ANKRD36B: variants seen among roughly 807,000 people sequenced by gnomAD.
The protein encoded by ANKRD36B is ankyrin repeat domain-containing protein 36B.
ANKRD36B carries 37 observed loss-of-function variants against 135.7 expected under a neutral mutation model. The observed-to-expected ratio is 0.27, with a 90% CI of 0.21 to 0.36. The LOEUF is 0.36. Among genes scored for constraint, ANKRD36B ranks in the 10% least tolerant of loss-of-function variants. The pLI is 1.00. For missense variants in ANKRD36B, 549 were observed against 1,037.1 expected, an observed-to-expected ratio of 0.53 and a Z score of 6.46; for synonymous variants, 179 against 348.1, an observed-to-expected ratio of 0.51 and a Z score of 5.41.
At chr2:97,570,946 C>A (rs930230176) in intron 6 of ANKRD36B, among the ~76,000 whole-genome samples, 1 of 152,222 alleles carries the variant, frequency 6.6e-6, no homozygotes, top group Non-Finnish European at 1.5e-5. Context: ...TTTCCCTCAT[C>A]TGTTTTCCTT....
chr2:97,498,963 C>CA (rs781117902), intron 43 of ANKRD36B, among the ~76,000 whole-genome samples: 9 of 61,910 alleles, frequency 1.5e-4, no homozygotes, highest in South Asian at 7.4e-4. Context: ...CCTTTCTATA[C>CA]AAAAAAAAAC....
In ANKRD36B at chr2:97,589,450, C is replaced by T; in HGVS notation, c.161+75G>A. The stretch of plus-strand genomic sequence containing the variant: ...GAGCCCCGGACCATCCGCCCCGCAG[C>T]CCTCAGCCTGCAAAGGGGTACTTCT... On this transcript the variant is annotated intron_variant, in intron 1 of 43. Transcript: ENST00000359901. The T allele has an allele frequency of 2.3e-6, 3 of 1,315,806 alleles. No homozygotes were observed. In the South Asian group the frequency reaches 3.7e-5, roughly 16 times the overall value. The allele number at this position is 1,315,806 out of a possible 1,614,324, so 81.5% of individuals were successfully genotyped here.
chr2:97,545,116 G>A (rs1293353351), intron 24 of ANKRD36B, among the ~76,000 whole-genome samples: 1 of 95,758 alleles, frequency 1.0e-5, no homozygotes, highest in Non-Finnish European at 2.8e-5. Context: ...TGTTCCAAAT[G>A]TATTGAAGTG....
chr2:97,541,572 A>G lies in ANKRD36B; in HGVS notation c.1885+339T>C, dbSNP rs182367541. On this transcript the variant is annotated intron_variant, in intron 28 of 43. Coordinates refer to ENST00000359901, the MANE Select transcript of ANKRD36B (RefSeq NM_001393939.1). Reference sequence around the variant, plus strand: ...ATAACAATATAATCTGACGCCTATAATATCTATTACTTCATCTCTTTCTCC... The same window carrying G: ...ATAACAATATAATCTGACGCCTATAGTATCTATTACTTCATCTCTTTCTCC... Among the ~76,000 whole-genome samples, 4 of 96,080 alleles carry G rather than the reference A, an allele frequency of 4.2e-5. 1 individual carries two copies. Among genetic ancestry groups the G allele is most frequent in the Non-Finnish European group, 1.1e-4 (4 of 36,086 alleles). The allele number at this position is 96,080 out of a possible 152,430, so 63.0% of individuals were successfully genotyped here.
intron 9 of ANKRD36B, 29 bp downstream of exon 9, chr2:97,558,937 G>A (rs780868175): frequency 6.2e-7 from 1 of 1,606,098 alleles, no homozygotes; most frequent in Admixed American, 1.7e-5. Flanking sequence ...ACGGTTAATA[G>A]TTCAACATAT....
chr2:97,550,046 T>A (rs2079896376), intron 18 of ANKRD36B, among the ~76,000 whole-genome samples: 1 of 151,706 alleles, frequency 6.6e-6, no homozygotes, highest in Non-Finnish European at 1.5e-5. Context: ...TCATGCTCTT[T>A]AAATTGCCCA....
chr2:97,536,002 T>C (rs2104494832), intron 34 of ANKRD36B, among the ~76,000 whole-genome samples: 1 of 93,776 alleles, frequency 1.1e-5, no homozygotes, highest in East Asian at 2.4e-4. Flanking sequence ...AAGGTGGAGG[T>C]TGTGGTGAGC....
intron 6 of ANKRD36B, among the ~76,000 whole-genome samples, chr2:97,573,676 G>A (rs1182628327): frequency 6.6e-6 from 1 of 152,182 alleles, no homozygotes; most frequent in East Asian, 1.9e-4. Context: ...GCATGGTACT[G>A]GTACCGAAAT....
At chr2:97,587,876 T>C (rs1479949427) in intron 1 of ANKRD36B, among the ~76,000 whole-genome samples, 1 of 152,190 alleles carries the variant, frequency 6.6e-6, no homozygotes, top group Non-Finnish European at 1.5e-5. Flanking sequence ...AAATATTTTT[T>C]CCCATGTGCA....
intron 6 of ANKRD36B, among the ~76,000 whole-genome samples, chr2:97,575,594 G>T (rs1054690759): frequency 1.2e-4 from 18 of 145,826 alleles, no homozygotes; most frequent in Non-Finnish European, 2.4e-4. Flanking sequence ...AAATAAATAT[G>T]TTTATATTTC....
intron 3 of ANKRD36B, among the ~76,000 whole-genome samples, chr2:97,581,896 G>A (rs1029212769): frequency 2.6e-5 from 4 of 151,770 alleles, no homozygotes; most frequent in Non-Finnish European, 2.9e-5. Flanking sequence ...TCCGCCTCCC[G>A]GATTCAAGCA....
At chr2:97,544,180 T>C (rs2079291869) in intron 24 of ANKRD36B, among the ~76,000 whole-genome samples, 195 bp from the exon 25 acceptor site, 1 of 40,222 alleles carries the variant, frequency 2.5e-5, no homozygotes, top group South Asian at 4.6e-4. Flanking sequence ...TCACAAAATA[T>C]ACTTACAATT....
At chr2:97,532,945 A>G (rs1420389356) in intron 34 of ANKRD36B, among the ~76,000 whole-genome samples, 2 of 95,914 alleles carry the variant, frequency 2.1e-5, no homozygotes, top group African/African-American at 6.3e-5. Flanking sequence ...ATCAATGAAC[A>G]AAACCATCAG....
chr2:97,554,639 G>C (rs76697622), intron 14 of ANKRD36B, among the ~76,000 whole-genome samples: 1 of 151,844 alleles, frequency 6.6e-6, no homozygotes, highest in Non-Finnish European at 1.5e-5. Context: ...CAGTGGTCTC[G>C]TTAGTTCTCG....
chr2:97,559,580 A>G (rs2080841267), intron 8 of ANKRD36B, among the ~76,000 whole-genome samples: 1 of 151,988 alleles, frequency 6.6e-6, no homozygotes, highest in Non-Finnish European at 1.5e-5. Flanking sequence ...GTGGTATAAT[A>G]ATTTGCCTAA....
intron 4 of ANKRD36B, among the ~76,000 whole-genome samples, chr2:97,579,982 A>G (rs1428784904): frequency 2.0e-5 from 3 of 152,214 alleles, no homozygotes; most frequent in Non-Finnish European, 4.4e-5. Context: ...GTGTGAACCT[A>G]AAGCTTGTCT....
chr2:97,508,843 T>C (rs1209244741), intron 40 of ANKRD36B, among the ~76,000 whole-genome samples: 1 of 109,186 alleles, frequency 9.2e-6, no homozygotes, highest in East Asian at 2.1e-4. Flanking sequence ...GGAGAAGCCC[T>C]GTTGTCTAAA....
In ANKRD36B at chr2:97,545,717, A is replaced by G; in HGVS notation, c.1630T>C (p.Ser544Pro). 1 of 961,502 alleles carries G rather than the reference A, an allele frequency of 1.0e-6. No individual in the cohort carries two copies. The highest frequency in any genetic ancestry group is 1.6e-6 in the Non-Finnish European group (1 of 636,066). The allele number at this position is 961,502 out of a possible 1,614,324, so 59.6% of individuals were successfully genotyped here. ...GTTTCTGTGGCCATATTCGGAACAGAATCTTCCTTGTCACTTGTAGCCTGA... is the reference window on the plus strand; with the variant it reads ...GTTTCTGTGGCCATATTCGGAACAGGATCTTCCTTGTCACTTGTAGCCTGA... Reference protein sequence around the residue: ...SLKATSDKEDSVPNMATETKD... With the variant: ...SLKATSDKEDPVPNMATETKD... The change falls in exon 24 of 44, where the codon TCT becomes CCT. Residue 544 changes from serine (S) to proline (P), a missense_variant. Ser to Pro is a moderately conservative substitution (Grantham distance 74, BLOSUM62 -1). Coordinates refer to ENST00000359901, the MANE Select transcript of ANKRD36B (RefSeq NM_001393939.1).
At chr2:97,555,317 C>G in intron 12 of ANKRD36B, 63 bp from the exon 13 acceptor site, 1 of 1,600,790 alleles carries the variant, frequency 6.2e-7, no homozygotes, top group Non-Finnish European at 8.5e-7. Flanking sequence ...TCCATACATT[C>G]ATGAAATGTT....
Sources: gnomAD v4.1 joint callset for allele counts (sites outside exome capture counted in the v4.1 genomes callset) on GRCh38, gnomAD v4.1.1 for gene constraint, MANE v1.5 for transcripts, NCBI Gene and HGNC (gene_info 2026-07-23, HGNC 2026-07-21) for gene names.